The following CNTNAP4 variants were observed in gnomAD, a reference collection of about 807,000 sequenced individuals.
The protein encoded by CNTNAP4 is contactin associated protein family member 4, also known as contactin-associated protein-like 4.
A neutral mutation model predicts 148.4 loss-of-function variants in CNTNAP4; 98 were observed. The ratio of observed to expected loss-of-function variants is 0.66; its 90% CI spans 0.56 to 0.78. The LOEUF is 0.78. CNTNAP4 is among the 30% of genes least tolerant of loss of function. The pLI, the probability that CNTNAP4 is intolerant of heterozygous loss-of-function variation, is 0.00. For missense variants in CNTNAP4, 1,935 were observed against 1,565.6 expected (o/e 1.24, Z -3.98); for synonymous variants, 730 against 565.1 (o/e 1.29, Z -4.14).
At chr16:76,364,173 GT>G (rs1401677019) in intron 3 of CNTNAP4, among the ~76,000 whole-genome samples, 3 of 145,260 alleles carry the variant, frequency 2.1e-5, no homozygotes, top group Non-Finnish European at 4.5e-5. Flanking sequence ...GGAGGTGGAG[GT>G]TGCGGTGAGC....
At chr16:76,515,939 T>G (rs1181425865) in intron 15 of CNTNAP4, among the ~76,000 whole-genome samples, 3 of 142,072 alleles carry the variant, frequency 2.1e-5, no homozygotes, top group African/African-American at 8.7e-5. Context: ...TAATTTTCTA[T>G]TTTACTTTAA....
chr16:76,447,890 G>A (rs1568206306), intron 4 of CNTNAP4, 122 bp from the exon 5 acceptor site: 3 of 647,370 alleles, frequency 4.6e-6, no homozygotes, highest in Admixed American at 2.9e-5. Flanking sequence ...TAGTTGAGGA[G>A]CATCTGTATA....
At chr16:76,310,053 T>C (rs565259071) in intron 1 of CNTNAP4, 49 of 594,046 alleles carry the variant, frequency 8.2e-5, no homozygotes, top group African/African-American at 6.0e-4. Flanking sequence ...TCTGGCTTCC[T>C]GGACTGGCTC....
At chr16:76,295,694 A>G (rs1274023782) in intron 1 of CNTNAP4, among the ~76,000 whole-genome samples, 2 of 152,258 alleles carry the variant, frequency 1.3e-5, no homozygotes, top group African/African-American at 4.8e-5. Context: ...GACATGTGAG[A>G]GGAAGGAGTG....
intron 8 of CNTNAP4, among the ~76,000 whole-genome samples, chr16:76,457,851 G>T (rs2080793632): frequency 6.6e-6 from 1 of 151,676 alleles, no homozygotes; most frequent in Non-Finnish European, 1.5e-5. Context: ...TGTTACATGG[G>T]TATATTGCAT....
rs546994501 is a variant in CNTNAP4 at position 76,403,817 on chromosome 16, C to A, written c.391-23635C>A. Among the ~76,000 whole-genome samples the A allele has an allele frequency of 1.7e-3, 260 of 152,186 alleles. 1 individual carries two copies. The highest frequency in any genetic ancestry group is 6.0e-3 in the African/African-American group (251 of 41,512). On this transcript the variant is annotated intron_variant, in intron 3 of 23. Coordinates refer to ENST00000611870, the MANE Select transcript of CNTNAP4 (RefSeq NM_033401.5). The stretch of plus-strand genomic sequence containing the variant: ...AACATAAATGCCCATAAGTGACAGA[C>A]TGGATAAAGAAAATATGGTACATAT...
intron 1 of CNTNAP4, among the ~76,000 whole-genome samples, chr16:76,295,215 G>T (rs546145161): frequency 1.5e-4 from 23 of 152,324 alleles, no homozygotes; most frequent in African/African-American, 5.5e-4. Context: ...ACAGCTAGAT[G>T]AGGAAAGAAG....
At chr16:76,349,105 A>T (rs898895144) in intron 2 of CNTNAP4, among the ~76,000 whole-genome samples, 31 of 152,146 alleles carry the variant, frequency 2.0e-4, no homozygotes, top group African/African-American at 7.0e-4. Flanking sequence ...AGCAGGACCT[A>T]GCGGTCCTGA....
chr16:76,341,547 C>T (rs995132381), intron 2 of CNTNAP4, among the ~76,000 whole-genome samples: 12 of 151,958 alleles, frequency 7.9e-5, no homozygotes, highest in African/African-American at 1.5e-4. Flanking sequence ...ATTTTCAGTC[C>T]GAATGAATGG....
chr16:76,460,589 G>T (rs1403706584), intron 8 of CNTNAP4, among the ~76,000 whole-genome samples: 2 of 143,594 alleles, frequency 1.4e-5, no homozygotes, highest in Non-Finnish European at 3.1e-5. Flanking sequence ...GTGAAACCCC[G>T]TCTCTACTAA....
chr16:76,336,294 G>C (rs1964017681), intron 2 of CNTNAP4, among the ~76,000 whole-genome samples: 1 of 152,204 alleles, frequency 6.6e-6, no homozygotes, highest in African/African-American at 2.4e-5. Flanking sequence ...GCTTATCTCA[G>C]AGATATGTAC....
chr16:76,339,729 A>G (rs1964314743), intron 2 of CNTNAP4, among the ~76,000 whole-genome samples: 1 of 152,226 alleles, frequency 6.6e-6, no homozygotes, highest in African/African-American at 2.4e-5. Context: ...GAATTTGGCC[A>G]TATTAGAACA....
In CNTNAP4 at chr16:76,431,766, A is replaced by C. The variant is rs539482677; in HGVS notation, c.538+4167A>C. 1.0e-3 allele frequency among the ~76,000 whole-genome samples: 159 copies of C among 152,036 alleles called. 2 individuals are homozygous for C. The South Asian group carries it at 0.018, about 17-fold the overall frequency. ...GGTCATTGTATGTGAGGGAACACTG[A>C]GTTATCAAATTTGCTTTTTTTCTTT... On this transcript the variant is annotated intron_variant, in intron 4 of 23. Coordinates refer to ENST00000611870, the MANE Select transcript of CNTNAP4 (RefSeq NM_033401.5).
rs765034582 is a variant in CNTNAP4 at position 76,553,880 on chromosome 16, A to G, written c.3706A>G (p.Ile1236Val). Residue 1236 changes from isoleucine (I) to valine (V), a missense_variant, in exon 23 of 24, where the codon ATC becomes GTC. Ile to Val is a conservative substitution (Grantham distance 29, BLOSUM62 3). Transcript: ENST00000611870. ...TGACAGAGAGCCCCTTGCTAATGCA[A>G]TCAAAAGTGACTCTGCAGTAATTGG... ...IDDREPLANA[I>V]KSDSAVIGGL... The G allele has an allele frequency of 1.2e-6, 2 of 1,611,080 alleles. No individual in the cohort carries two copies. Among genetic ancestry groups the G allele is most frequent in the South Asian group, 2.2e-5 (2 of 90,900 alleles).
chr16:76,465,359 G>C (rs1388863275), intron 9 of CNTNAP4, among the ~76,000 whole-genome samples: 1 of 152,104 alleles, frequency 6.6e-6, no homozygotes, highest in Non-Finnish European at 1.5e-5. Context: ...ACCCCTCTTT[G>C]TTCATAGAAT....
chr16:76,556,831 G>C (rs1257587705), intron 23 of CNTNAP4, among the ~76,000 whole-genome samples: 1 of 152,122 alleles, frequency 6.6e-6, no homozygotes, highest in Admixed American at 6.6e-5. Flanking sequence ...AATCAGCAAC[G>C]ATTTTCTACC....
intron 8 of CNTNAP4, among the ~76,000 whole-genome samples, chr16:76,460,773 A>AAAAAAAAAAAAAATATATATATATATAT: frequency 1.0e-4 from 6 of 57,312 alleles, no homozygotes; most frequent in South Asian, 6.2e-4. Flanking sequence ...AAAAAAAAAA[A>AAAAAAAAAAAAAATATATATATATATAT]ATATATATAT....
chr16:76,453,525 C>A (rs571605156), intron 8 of CNTNAP4, among the ~76,000 whole-genome samples: 13 of 152,210 alleles, frequency 8.5e-5, no homozygotes, highest in African/African-American at 3.1e-4. Flanking sequence ...TGTACAATGG[C>A]ATCCAAGCCA....
At chr16:76,440,760 A>T (rs545165467) in intron 4 of CNTNAP4, among the ~76,000 whole-genome samples, 7 of 152,208 alleles carry the variant, frequency 4.6e-5, no homozygotes, top group African/African-American at 1.4e-4. Context: ...ATCCCAAGGG[A>T]TTCTTTTCCA....
Sources: gnomAD v4.1 joint callset for allele counts (sites outside exome capture counted in the v4.1 genomes callset) on GRCh38, gnomAD v4.1.1 for gene constraint, MANE v1.5 for transcripts, NCBI Gene and HGNC (gene_info 2026-07-23, HGNC 2026-07-21) for gene names.